The following HCRTR2 variants were observed in gnomAD, a reference collection of about 807,000 sequenced individuals.
HCRTR2 encodes the protein hypocretin receptor 2, also known as orexin receptor type 2.
HCRTR2 carries 22 observed loss-of-function variants against 49.0 expected under a neutral mutation model. The observed-to-expected ratio is 0.45, with a 90% confidence interval of 0.32 to 0.64. The LOEUF (loss-of-function observed/expected upper bound fraction) is 0.64, where lower values mean the gene tolerates loss of function less well. Among genes scored for constraint, HCRTR2 ranks in the 30% least tolerant of loss-of-function variants. The pLI, the probability that HCRTR2 is intolerant of heterozygous loss-of-function variation, is 0.04. For missense variants in HCRTR2, 491 were observed against 559.4 expected, an observed-to-expected ratio of 0.88 and a Z score of 1.23; for synonymous variants, 236 against 205.3, an observed-to-expected ratio of 1.15 and a Z score of -1.28.
intron 1 of HCRTR2, among the ~76,000 whole-genome samples, chr6:55,197,074 G>T (rs1765429172): frequency 6.6e-6 from 1 of 152,050 alleles, no homozygotes; most frequent in Non-Finnish European, 1.5e-5. Context: ...ACTCCCATCT[G>T]CCCCTTTTAC....
intron 1 of HCRTR2, among the ~76,000 whole-genome samples, chr6:55,140,605 C>T (rs941076251): frequency 5.3e-5 from 8 of 152,088 alleles, no homozygotes; most frequent in Non-Finnish European, 1.2e-4. Context: ...TTTATAAATA[C>T]TTAGATTTTA....
intron 1 of HCRTR2, among the ~76,000 whole-genome samples, chr6:55,112,562 A>C (rs1322938481): frequency 6.6e-6 from 1 of 151,632 alleles, no homozygotes; most frequent in African/African-American, 2.4e-5. Context: ...AAAAAAAAAA[A>C]AAAACCTTAG....
chr6:55,268,320 T>C (rs1407152766), intron 4 of HCRTR2, among the ~76,000 whole-genome samples: 3 of 151,936 alleles, frequency 2.0e-5, no homozygotes, highest in Non-Finnish European at 4.4e-5. Flanking sequence ...AAGTCACAAA[T>C]AGTAAAATGG....
intron 1 of HCRTR2, among the ~76,000 whole-genome samples, chr6:55,135,962 T>G (rs1300647780): frequency 6.6e-6 from 1 of 152,128 alleles, no homozygotes; most frequent in Non-Finnish European, 1.5e-5. Context: ...TGGTCAATTT[T>G]CATGGCTCTA....
intron 1 of HCRTR2, among the ~76,000 whole-genome samples, chr6:55,236,729 C>A (rs62416798): frequency 6.6e-6 from 1 of 151,850 alleles, no homozygotes; most frequent in African/African-American, 2.4e-5. Flanking sequence ...TTTTTCCTTT[C>A]GTCACTGGTT....
At chr6:55,249,871 C>T (rs1366750647) in intron 2 of HCRTR2, among the ~76,000 whole-genome samples, 4 of 152,104 alleles carry the variant, frequency 2.6e-5, no homozygotes, top group African/African-American at 9.7e-5. Flanking sequence ...CCATAGCTTT[C>T]CTGCACCCTC....
At chr6:55,240,374 A>G (rs1265780422) in intron 1 of HCRTR2, among the ~76,000 whole-genome samples, 1 of 151,432 alleles carries the variant, frequency 6.6e-6, no homozygotes, top group Non-Finnish European at 1.5e-5. Flanking sequence ...AAAAAAAAAA[A>G]AAAAAAAAAA....
intron 1 of HCRTR2, among the ~76,000 whole-genome samples, chr6:55,185,786 G>T (rs534793730): frequency 2.0e-5 from 3 of 152,188 alleles, no homozygotes; most frequent in South Asian, 2.1e-4. Context: ...ACAAGAAGGC[G>T]CATCCTTTGG....
chr6:55,119,729 C>T (rs914645672), intron 1 of HCRTR2, among the ~76,000 whole-genome samples: 3 of 151,668 alleles, frequency 2.0e-5, no homozygotes, highest in East Asian at 3.9e-4. Flanking sequence ...TGCCTGTTCA[C>T]TCTGATGATA....
intron 1 of HCRTR2, among the ~76,000 whole-genome samples, chr6:55,226,010 G>T (rs960485817): frequency 5.9e-5 from 9 of 152,164 alleles, no homozygotes; most frequent in African/African-American, 1.7e-4. Flanking sequence ...CCCTAGTTGG[G>T]CATCCCTGTG....
upstream of HCRTR2, among the ~76,000 whole-genome samples, chr6:55,171,666 A>T (rs1164942133): frequency 6.6e-6 from 1 of 152,206 alleles, no homozygotes; most frequent in African/African-American, 2.4e-5. Context: ...GAAATGGAAT[A>T]TTTGTAGGAT....
intron 1 of HCRTR2, among the ~76,000 whole-genome samples, chr6:55,243,621 T>C (rs923682107): frequency 5.9e-5 from 9 of 152,152 alleles, no homozygotes; most frequent in African/African-American, 2.2e-4. Flanking sequence ...AGCAACATAC[T>C]ATAAGTTTAT....
At chr6:55,147,366 G>A (rs1764609397) in intron 1 of HCRTR2, among the ~76,000 whole-genome samples, 1 of 152,016 alleles carries the variant, frequency 6.6e-6, no homozygotes. Context: ...AAATACAGTG[G>A]CTTAAGAATA....
chr6:55,169,447 G>A (rs534286845), intron 1 of HCRTR2, among the ~76,000 whole-genome samples: 2 of 151,254 alleles, frequency 1.3e-5, no homozygotes, highest in African/African-American at 4.9e-5. Context: ...AATCTTTTAG[G>A]GCATGAGGTT....
At chr6:55,170,983 G>T (rs901027638), upstream of HCRTR2, among the ~76,000 whole-genome samples, 4 of 151,916 alleles carry the variant, frequency 2.6e-5, no homozygotes, top group South Asian at 2.1e-4. Context: ...GTCTATCATT[G>T]TTGGACATTT....
intron 1 of HCRTR2, among the ~76,000 whole-genome samples, chr6:55,204,871 G>A (rs1302945913): frequency 3.3e-5 from 5 of 151,320 alleles, no homozygotes; most frequent in Non-Finnish European, 7.4e-5. Flanking sequence ...CTGCAGCTTC[G>A]ACCTCCTGGG....
chr6:55,157,107 T>C (rs545032708), intron 1 of HCRTR2, among the ~76,000 whole-genome samples: 1 of 152,276 alleles, frequency 6.6e-6, no homozygotes, highest in East Asian at 1.9e-4. Context: ...CATAATCTTA[T>C]ACATGGAGAA....
At chr6:55,174,409 G>C, upstream of HCRTR2, 2 of 655,390 alleles carry the variant, frequency 3.1e-6, no homozygotes, top group Non-Finnish European at 5.5e-6. Flanking sequence ...CAAAGCCACC[G>C]CAGAAGTTGC....
intron 3 of HCRTR2, among the ~76,000 whole-genome samples, chr6:55,256,191 A>G (rs1306867822): frequency 1.3e-5 from 2 of 152,066 alleles, no homozygotes; most frequent in African/African-American, 4.8e-5. Flanking sequence ...ACTGATTCCA[A>G]TATATCATAT....
Sources: gnomAD v4.1 joint callset for allele counts (sites outside exome capture counted in the v4.1 genomes callset) on GRCh38, gnomAD v4.1.1 for gene constraint, MANE v1.5 for transcripts, NCBI Gene and HGNC (gene_info 2026-07-23, HGNC 2026-07-21) for gene names.